The following PRKG1 variants were observed in gnomAD, a reference collection of about 807,000 sequenced individuals.
PRKG1 encodes the protein cGMP-dependent protein kinase 1.
PRKG1 carries 35 observed loss-of-function variants against 88.1 expected under a neutral mutation model. The observed-to-expected ratio is 0.40, with a 90% CI of 0.30 to 0.53. The LOEUF is 0.53. Ranked by LOEUF, PRKG1 falls within the 20% of genes least tolerant of loss-of-function variation. The pLI is 0.59. For synonymous variants in PRKG1, 303 were observed against 292.5 expected (o/e 1.04, Z -0.37); for missense variants, 540 against 839.8 (o/e 0.64, Z 4.41).
At position 51,686,031 on chromosome 10, in the gene PRKG1, T is replaced by G. The variant is rs1294238302; in HGVS notation, c.593-118554T>G. Among the ~76,000 whole-genome samples, 4 of 152,116 alleles carry G rather than the reference T, an allele frequency of 2.6e-5. No individual in the cohort carries two copies. In the South Asian group the frequency reaches 8.3e-4, roughly 32 times the overall value. On this transcript the variant is annotated intron_variant, in intron 3 of 17. Coordinates refer to ENST00000373980, the MANE Select transcript of PRKG1 (RefSeq NM_006258.4). ...GCCCATCAATCCCCTTCCTTCTATGTAATCCTGGGTAAATGAAAGAATGGG... is the reference window on the plus strand; with the variant it reads ...GCCCATCAATCCCCTTCCTTCTATGGAATCCTGGGTAAATGAAAGAATGGG...
chr10:51,399,648 A>T (rs1781558287), intron 2 of PRKG1, among the ~76,000 whole-genome samples: 1 of 152,184 alleles, frequency 6.6e-6, no homozygotes, highest in Admixed American at 6.5e-5. Context: ...TTTTCTTAGT[A>T]GGTAGGCATG....
At chr10:51,386,455 A>G (rs1837251190) in intron 2 of PRKG1, among the ~76,000 whole-genome samples, 3 of 152,144 alleles carry the variant, frequency 2.0e-5, no homozygotes, top group African/African-American at 7.2e-5. Context: ...TCTAAGTTCT[A>G]GTCCAGAAAC....
intron 3 of PRKG1, chr10:51,699,594 C>G (rs182539311): frequency 7.6e-5 from 119 of 1,566,216 alleles, no homozygotes; most frequent in Admixed American, 2.6e-4. Flanking sequence ...TTCGAGGCGT[C>G]TGTCCTCTTG....
intron 5 of PRKG1, among the ~76,000 whole-genome samples, chr10:51,935,930 T>A (rs4604821): frequency 0.2 from 30,776 of 152,048 alleles, 4,010 homozygotes; most frequent in Non-Finnish European, 0.29. Flanking sequence ...TTATTATTTC[T>A]GAAGACAGCC....
chr10:51,473,600 A>C (rs950643422), intron 3 of PRKG1, among the ~76,000 whole-genome samples: 7 of 152,034 alleles, frequency 4.6e-5, no homozygotes, highest in African/African-American at 1.7e-4. Flanking sequence ...AAGGCTTGAT[A>C]AATTATTCTC....
chr10:51,300,044 T>G (rs2132237446), intron 2 of PRKG1, among the ~76,000 whole-genome samples: 1 of 152,318 alleles, frequency 6.6e-6, no homozygotes, highest in Middle Eastern at 3.4e-3. Context: ...AAAATTGCCT[T>G]TTCTCCAAAG....
intron 3 of PRKG1, among the ~76,000 whole-genome samples, chr10:51,769,351 G>T (rs1838246820): frequency 6.6e-6 from 1 of 152,132 alleles, no homozygotes; most frequent in Non-Finnish European, 1.5e-5. Context: ...ATGAAATGAA[G>T]TCATTACTGA....
At chr10:51,394,944 A>C (rs946808474) in intron 2 of PRKG1, among the ~76,000 whole-genome samples, 6 of 152,304 alleles carry the variant, frequency 3.9e-5, no homozygotes, top group Non-Finnish European at 2.9e-5. Context: ...TTTCTCTTTA[A>C]AAATTGTTCC....
At chr10:51,863,153 C>T (rs1840930386) in intron 4 of PRKG1, among the ~76,000 whole-genome samples, 1 of 145,294 alleles carries the variant, frequency 6.9e-6, no homozygotes, top group Non-Finnish European at 1.5e-5. Context: ...CATGCTAATC[C>T]AGATCATGAC....
chr10:51,029,314 A>G (rs895028949), intron 1 of PRKG1, among the ~76,000 whole-genome samples: 1 of 152,184 alleles, frequency 6.6e-6, no homozygotes, highest in Non-Finnish European at 1.5e-5. Context: ...CATTATAACC[A>G]AGGGCTGTGT....
chr10:52,006,822 GATTACATTCTC>G (rs1844748216), intron 5 of PRKG1, among the ~76,000 whole-genome samples: 2 of 152,208 alleles, frequency 1.3e-5, no homozygotes, highest in African/African-American at 4.8e-5. Flanking sequence ...GTGACATAAT[GATTACATTCTC>G]TAAGGTCAAA....
At chr10:51,971,626 T>A (rs143497376) in intron 5 of PRKG1, among the ~76,000 whole-genome samples, 7 of 152,220 alleles carry the variant, frequency 4.6e-5, no homozygotes, top group Middle Eastern at 3.4e-3. Flanking sequence ...CTACTGTTGA[T>A]AAAAATGTTG....
At chr10:51,901,569 CA>C (rs1249549043) in intron 4 of PRKG1, among the ~76,000 whole-genome samples, 3 of 152,164 alleles carry the variant, frequency 2.0e-5, no homozygotes, top group African/African-American at 7.2e-5. Flanking sequence ...CTAGTGAATG[CA>C]ATATGGTAAC....
At chr10:51,698,344 T>C (rs1841362775) in intron 3 of PRKG1, 4 of 1,614,020 alleles carry the variant, frequency 2.5e-6, no homozygotes, top group African/African-American at 1.3e-5. Flanking sequence ...GTAGACCCCT[T>C]TGATCTATCA....
rs1436316050 is a variant in PRKG1 at position 52,295,302 on chromosome 10, G to A, written c.*1402G>A. 3.3e-5 allele frequency: 5 copies of A among 151,914 alleles called. No homozygotes were observed. The highest frequency in any genetic ancestry group is 1.2e-4 in the African/African-American group (5 of 41,394). The allele number at this position is 151,914 out of a possible 1,614,324, so 9.4% of individuals were successfully genotyped here. A position where few individuals can be genotyped will look rare whatever the true frequency, so the allele number is the denominator to read the frequency against. Reference sequence around the variant, plus strand: ...TCCATATACTTGTCTAACTAAGAAAGCAGTACAGAGGAAAACAGGAACCTG... The same window carrying A: ...TCCATATACTTGTCTAACTAAGAAAACAGTACAGAGGAAAACAGGAACCTG... On this transcript the variant is annotated 3_prime_UTR_variant, in exon 18 of 18. Coordinates refer to ENST00000373980, the MANE Select transcript of PRKG1 (RefSeq NM_006258.4).
chr10:51,929,332 A>G (rs182130798), intron 5 of PRKG1, among the ~76,000 whole-genome samples: 1 of 146,424 alleles, frequency 6.8e-6, no homozygotes, highest in Non-Finnish European at 1.5e-5. Context: ...CCTGACCAAC[A>G]TCTGAATTCC....
chr10:51,285,872 G>T (rs1261106051), intron 2 of PRKG1, among the ~76,000 whole-genome samples: 1 of 152,214 alleles, frequency 6.6e-6, no homozygotes, highest in Non-Finnish European at 1.5e-5. Flanking sequence ...TGAAGCAGGT[G>T]CAGCCGTAAT....
At chr10:51,240,641 A>G (rs1839127090) in intron 2 of PRKG1, among the ~76,000 whole-genome samples, 1 of 152,208 alleles carries the variant, frequency 6.6e-6, no homozygotes, top group African/African-American at 2.4e-5. Flanking sequence ...AATTGAAGAA[A>G]TACTTCCAGA....
chr10:51,633,914 C>G (rs1016412904), intron 3 of PRKG1, among the ~76,000 whole-genome samples: 1 of 152,088 alleles, frequency 6.6e-6, no homozygotes, highest in Non-Finnish European at 1.5e-5. Flanking sequence ...ACAGATGGAA[C>G]ATTTTCTTTG....
Sources: gnomAD v4.1 joint callset for allele counts (sites outside exome capture counted in the v4.1 genomes callset) on GRCh38, gnomAD v4.1.1 for gene constraint, MANE v1.5 for transcripts, NCBI Gene and HGNC (gene_info 2026-07-23, HGNC 2026-07-21) for gene names.